CD163L1: variants seen among roughly 807,000 people sequenced by gnomAD.
CD163L1 encodes the protein CD163 molecule like 1, also known as scavenger receptor cysteine-rich type 1 protein M160.
Under a neutral mutation model 165.4 loss-of-function variants are expected in CD163L1, and 124 were observed. The ratio of observed to expected loss-of-function variants is 0.75; its 90% confidence interval spans 0.65 to 0.87. The LOEUF is 0.87. CD163L1 is among the 40% of genes least tolerant of loss of function. The pLI, the probability that CD163L1 is intolerant of heterozygous loss-of-function variation, is 0.00. For missense variants in CD163L1, 1,525 were observed against 1,799.9 expected (o/e 0.85, Z 2.76); for synonymous variants, 585 against 662.2 (o/e 0.88, Z 1.79).
chr12:7,368,708 A>T lies in CD163L1; in HGVS notation c.4072+225T>A, dbSNP rs757262339. On this transcript the variant is annotated intron_variant, in intron 16 of 19. Transcript: ENST00000313599. The surrounding 1 kb of genome is among the most constrained non-coding windows in gnomAD (Gnocchi z 4.3). ...ATCTAGAAAGATTATCTATGAGGGT[A>T]CCATGAGAGTCTTATCCTTCTCTGC... The T allele has an allele frequency of 3.2e-3, 1,634 of 514,088 alleles. 31 individuals carry two copies. Among genetic ancestry groups the T allele is most frequent in the African/African-American group, 0.028 (1,457 of 52,722 alleles). 31.8% of individuals were successfully genotyped at this position (514,088 alleles called of 1,614,324 possible). A position where few individuals can be genotyped will look rare whatever the true frequency, so the allele number is the denominator to read the frequency against.
chr12:7,438,985 C>T, intron 2 of CD163L1: 4 of 1,606,886 alleles, frequency 2.5e-6, no homozygotes, highest in South Asian at 2.2e-5. Context: ...TGTCCTCAAC[C>T]TTTCTCGGGG....
At chr12:7,329,280 T>C in the CD163L1 span, among the ~76,000 whole-genome samples, 1 of 148,726 alleles carries the variant, frequency 6.7e-6, no homozygotes, top group African/African-American at 2.4e-5. Flanking sequence ...TTTTATTTTC[T>C]TTTTCTTTTT....
In CD163L1 at chr12:7,396,330, G is replaced by A; in HGVS notation, c.1815C>T (p.Gly605=). 1.2e-6 allele frequency: 2 copies of A among 1,614,110 alleles called. No homozygotes were observed. Among genetic ancestry groups the A allele is most frequent in the Non-Finnish European group, 1.7e-6 (2 of 1,180,002 alleles). The change falls in exon 8 of 20, where the codon GGC becomes GGT. Residue 605 remains glycine, a synonymous_variant. Coordinates refer to ENST00000313599, the MANE Select transcript of CD163L1 (RefSeq NM_174941.6). ...RLEVYFQGRW[G]TVCDDGWNSK... ...TGTTCCAGCCGTCATCACACACTGT[G>A]CCCCACCGTCCTTGAAAGTACACCT...
At chr12:7,396,737 G>C (rs186972903) in intron 7 of CD163L1, among the ~76,000 whole-genome samples, 15 of 152,152 alleles carry the variant, frequency 9.9e-5, no homozygotes, top group Non-Finnish European at 1.8e-4. Flanking sequence ...GCAGTCTGCT[G>C]GCCTCCTCTT....
intron 8 of CD163L1, among the ~76,000 whole-genome samples, chr12:7,386,634 G>A (rs1023007325): frequency 9.6e-5 from 14 of 145,818 alleles, no homozygotes; most frequent in African/African-American, 3.3e-4. Flanking sequence ...GTATAGTCAA[G>A]TGGGATTTAG....
the CD163L1 span, among the ~76,000 whole-genome samples, chr12:7,320,048 A>G: frequency 6.6e-6 from 1 of 152,220 alleles, no homozygotes; most frequent in African/African-American, 2.4e-5. Flanking sequence ...CAGCCCAGAC[A>G]TACATTTTGA....
At chr12:7,414,318 T>C (rs1426425240) in intron 4 of CD163L1, among the ~76,000 whole-genome samples, 3 of 151,964 alleles carry the variant, frequency 2.0e-5, no homozygotes, top group Non-Finnish European at 4.4e-5. Flanking sequence ...AAAAATACAA[T>C]GACACCTGAA....
rs974493330 is a variant in CD163L1 at position 7,355,145 on chromosome 12, C to T, written c.*25-15G>A. ...TAGAGGTTGATCTGAAATTATAAAA[C>T]AAGAGGCAACAAGTTACTATTCTTC... On this transcript the variant is annotated splice_polypyrimidine_tract_variant and intron_variant, in intron 19 of 19. Transcript: ENST00000313599. 1 of 152,034 alleles carries T rather than the reference C, an allele frequency of 6.6e-6. No homozygotes were observed. The highest frequency in any genetic ancestry group is 2.1e-4 in the South Asian group (1 of 4,826). The allele number at this position is 152,034 out of a possible 1,614,324, so 9.4% of individuals were successfully genotyped here. A position where few individuals can be genotyped will look rare whatever the true frequency, so the allele number is the denominator to read the frequency against.
At chr12:7,439,669 C>T in intron 2 of CD163L1, 1 of 1,612,808 alleles carries the variant, frequency 6.2e-7, no homozygotes, top group Non-Finnish European at 8.5e-7. Flanking sequence ...AATTTTCTTC[C>T]TAAATTCAAG....
intron 8 of CD163L1, among the ~76,000 whole-genome samples, chr12:7,385,250 TAAA>T (rs59433408): frequency 4.3e-5 from 6 of 139,522 alleles, no homozygotes; most frequent in Non-Finnish European, 6.4e-5. Context: ...TTAAAAACTG[TAAA>T]AAAAAAAAAA....
the CD163L1 span, among the ~76,000 whole-genome samples, chr12:7,333,013 A>G: frequency 3.3e-5 from 5 of 152,188 alleles, no homozygotes; most frequent in African/African-American, 9.6e-5. Flanking sequence ...GTCATGACCC[A>G]TCAGTGTGCT....
At chr12:7,371,416 G>T (rs1947143743) in intron 14 of CD163L1, among the ~76,000 whole-genome samples, 1 of 152,002 alleles carries the variant, frequency 6.6e-6, no homozygotes, top group South Asian at 2.1e-4. Context: ...GATCATAAAA[G>T]CTGGCAGAAT....
In CD163L1 at chr12:7,396,360, T is replaced by C; in HGVS notation, c.1785A>G (p.Arg595=). The change falls in exon 8 of 20, where the codon AGA becomes AGG. Residue 595 remains arginine, a synonymous_variant. Coordinates refer to ENST00000313599, the MANE Select transcript of CD163L1 (RefSeq NM_174941.6). ...ACCGTCCTTGAAAGTACACCTCCAG[T>C]CTTCCCGAGCAGCGGTTGCTGCCGC... is the stretch of plus-strand genomic sequence containing the variant. The part of the protein sequence containing the change: ...LVGGSNRCSG[R]LEVYFQGRWG... 1 of 1,613,102 alleles carries C rather than the reference T, an allele frequency of 6.2e-7. No homozygotes were observed. The highest frequency in any genetic ancestry group is 1.1e-5 in the South Asian group (1 of 91,044).
intron 1 of CD163L1, 55 bp from the exon 2 acceptor site, chr12:7,441,301 G>A (rs374905751): frequency 7.7e-7 from 1 of 1,297,144 alleles, no homozygotes; most frequent in Admixed American, 1.7e-5. Context: ...AGAAATGTTA[G>A]ATGACCTCAA....
intron 2 of CD163L1, among the ~76,000 whole-genome samples, chr12:7,433,935 A>G (rs547143491): frequency 2.8e-4 from 42 of 152,312 alleles, no homozygotes; most frequent in Non-Finnish European, 5.7e-4. Flanking sequence ...AAAAGAAGGG[A>G]AAGAATTTTT....
the CD163L1 span, among the ~76,000 whole-genome samples, chr12:7,338,517 C>T: frequency 6.6e-6 from 1 of 152,116 alleles, no homozygotes; most frequent in Non-Finnish European, 1.5e-5. Flanking sequence ...TTAGATAACA[C>T]TTTGCTGAGT....
the CD163L1 span, among the ~76,000 whole-genome samples, chr12:7,337,048 C>A: frequency 3.5e-4 from 54 of 152,184 alleles, no homozygotes; most frequent in African/African-American, 1.2e-3. Flanking sequence ...TTCCACAAAC[C>A]TGACAAAAAC....
intron 4 of CD163L1, among the ~76,000 whole-genome samples, chr12:7,416,789 G>T (rs1480280138): frequency 6.6e-6 from 1 of 152,042 alleles, no homozygotes; most frequent in Non-Finnish European, 1.5e-5. Flanking sequence ...ATCTGTTTTG[G>T]TATGAGTACC....
At chr12:7,410,858 A>AATATAT (rs747000107) in intron 4 of CD163L1, among the ~76,000 whole-genome samples, 1 of 147,958 alleles carries the variant, frequency 6.8e-6, no homozygotes, top group Non-Finnish European at 1.5e-5. Context: ...TATAAATATA[A>AATATAT]ATATATATAT....
Sources: allele counts gnomAD v4.1 joint callset (sites outside exome capture counted in the v4.1 genomes callset), GRCh38; gene constraint gnomAD v4.1.1; non-coding constraint Gnocchi (gnomAD v3.1); transcripts MANE v1.5; gene names NCBI Gene and HGNC (gene_info 2026-07-23, HGNC 2026-07-21).